Variants in NRXN1 observed in about 807,000 individuals in gnomAD.
NRXN1 encodes the protein neurexin-1.
NRXN1 carries 39 observed loss-of-function variants against 150.9 expected under a neutral mutation model. That is an observed-to-expected ratio of 0.26 (90% CI 0.20 to 0.34). NRXN1 has a LOEUF of 0.34. Ranked by LOEUF, NRXN1 falls within the 10% of genes least tolerant of loss-of-function variation. The pLI is 1.00. For missense variants in NRXN1, 1,815 were observed against 1,949.9 expected (o/e 0.93, Z 1.30); for synonymous variants, 924 against 757.0 (o/e 1.22, Z -3.62).
chr2:50,971,940 A>G (rs949690911), intron 2 of NRXN1, among the ~76,000 whole-genome samples: 2 of 152,156 alleles, frequency 1.3e-5, no homozygotes, highest in African/African-American at 4.8e-5. Context: ...TGGCAACTAC[A>G]TGCATTTTAT....
intron 5 of NRXN1, among the ~76,000 whole-genome samples, chr2:50,828,990 G>T (rs1304787010): frequency 6.6e-6 from 1 of 152,208 alleles, no homozygotes; most frequent in Non-Finnish European, 1.5e-5. Context: ...ACCTCGGGAG[G>T]CCGAGGCTGG....
intron 21 of NRXN1, among the ~76,000 whole-genome samples, chr2:49,988,723 T>C (rs1229326490): frequency 1.3e-5 from 2 of 151,170 alleles, no homozygotes; most frequent in East Asian, 2.0e-4. Flanking sequence ...AGCAAGATAA[T>C]GGGAGGGAAA....
intron 17 of NRXN1, among the ~76,000 whole-genome samples, chr2:50,295,559 A>G (rs1265582499): frequency 6.6e-6 from 1 of 152,200 alleles, no homozygotes; most frequent in Non-Finnish European, 1.5e-5. Context: ...TTACACTCCA[A>G]TATTGTTGAA....
chr2:50,584,055 A>T (rs150558978), intron 8 of NRXN1, among the ~76,000 whole-genome samples: 1 of 152,294 alleles, frequency 6.6e-6, no homozygotes, highest in Non-Finnish European at 1.5e-5. Context: ...AGAAAGAAAA[A>T]GTCTACCCAG....
chr2:50,442,630 G>C (rs1186387396), intron 17 of NRXN1, among the ~76,000 whole-genome samples: 1 of 152,138 alleles, frequency 6.6e-6, no homozygotes, highest in Admixed American at 6.6e-5. Context: ...GCAAAAATCT[G>C]AATATGACAT....
At chr2:50,867,532 C>G (rs969762811) in intron 5 of NRXN1, among the ~76,000 whole-genome samples, 2 of 151,836 alleles carry the variant, frequency 1.3e-5, no homozygotes, top group African/African-American at 2.4e-5. Context: ...TATTCTCAAG[C>G]CTCCAAGTTC....
chr2:50,557,902 T>A (rs1189796664), intron 8 of NRXN1, among the ~76,000 whole-genome samples: 2 of 152,212 alleles, frequency 1.3e-5, no homozygotes, highest in African/African-American at 4.8e-5. Context: ...GCTTCCTTTT[T>A]CATGCTGATA....
At chr2:50,093,205 A>G (rs2152700104) in intron 18 of NRXN1, among the ~76,000 whole-genome samples, 1 of 152,314 alleles carries the variant, frequency 6.6e-6, no homozygotes, top group Middle Eastern at 3.4e-3. Context: ...TAGCTGAGTC[A>G]GTCTACACAA....
intron 9 of NRXN1, among the ~76,000 whole-genome samples, chr2:50,547,955 A>G (rs6739101): frequency 0.14 from 20,833 of 152,124 alleles, 2,413 homozygotes; most frequent in African/African-American, 0.32. Flanking sequence ...AAGAAGGAAC[A>G]TATGTTAGAA....
chr2:50,947,390 A>G (rs1208486616), intron 2 of NRXN1, among the ~76,000 whole-genome samples: 1 of 151,982 alleles, frequency 6.6e-6, no homozygotes, highest in Non-Finnish European at 1.5e-5. Flanking sequence ...TATATTGAAT[A>G]ATTTAAAAAT....
At chr2:50,377,011 G>A (rs1282959480) in intron 17 of NRXN1, among the ~76,000 whole-genome samples, 1 of 148,338 alleles carries the variant, frequency 6.7e-6, no homozygotes, top group African/African-American at 2.5e-5. Flanking sequence ...TAGTGAGATT[G>A]AACATCTTTT....
intron 5 of NRXN1, among the ~76,000 whole-genome samples, chr2:50,858,076 T>C (rs1675528257): frequency 6.8e-6 from 1 of 146,064 alleles, no homozygotes. Context: ...AGGCTCAGCA[T>C]GTTTTACCCA....
At chr2:50,660,103 G>T (rs1003383687) in intron 5 of NRXN1, among the ~76,000 whole-genome samples, 9 of 151,968 alleles carry the variant, frequency 5.9e-5, no homozygotes, top group Admixed American at 3.9e-4. Flanking sequence ...ACCCACTGGG[G>T]ACTTGGAAGG....
At chr2:50,666,190 A>G (rs998566040) in intron 5 of NRXN1, among the ~76,000 whole-genome samples, 5 of 151,946 alleles carry the variant, frequency 3.3e-5, no homozygotes, top group African/African-American at 1.2e-4. Flanking sequence ...GTCACTCAAC[A>G]TAATTATTTT....
intron 5 of NRXN1, among the ~76,000 whole-genome samples, chr2:50,682,102 A>C (rs2104806200): frequency 6.6e-6 from 1 of 152,266 alleles, no homozygotes; most frequent in South Asian, 2.1e-4. Flanking sequence ...TTAATTTGTA[A>C]GTTAGTGCCT....
intron 17 of NRXN1, among the ~76,000 whole-genome samples, chr2:50,322,982 T>C (rs1343783355): frequency 1.3e-5 from 2 of 152,222 alleles, no homozygotes; most frequent in African/African-American, 4.8e-5. Flanking sequence ...ATGATTTAGT[T>C]GTATGACAGT....
At chr2:50,734,450 T>C (rs1376290310) in intron 5 of NRXN1, among the ~76,000 whole-genome samples, 1 of 152,152 alleles carries the variant, frequency 6.6e-6, no homozygotes, top group Non-Finnish European at 1.5e-5. Flanking sequence ...TAGCCCTCAG[T>C]GTTGCACCGC....
chr2:50,991,107 T>C (rs1189123605), intron 2 of NRXN1, among the ~76,000 whole-genome samples: 6 of 152,090 alleles, frequency 3.9e-5, no homozygotes, highest in Non-Finnish European at 7.4e-5. Flanking sequence ...CTTAGCTTTT[T>C]CCCTCAAATA....
At chr2:50,446,299 T>C (rs573175563) in intron 17 of NRXN1, among the ~76,000 whole-genome samples, 7 of 152,292 alleles carry the variant, frequency 4.6e-5, no homozygotes, top group Admixed American at 1.3e-4. Context: ...TTTTATTTTA[T>C]ATCTACATAG....
Sources: allele counts gnomAD v4.1 joint callset (sites outside exome capture counted in the v4.1 genomes callset), GRCh38; gene constraint gnomAD v4.1.1; transcripts MANE v1.5; gene names NCBI Gene and HGNC (gene_info 2026-07-23, HGNC 2026-07-21).